QTGAL: variants seen among roughly 807,000 people sequenced by gnomAD.
QTGAL encodes the protein BGnT-like protein 1.
chr17:83,050,510 G>T, the QTGAL span, among the ~76,000 whole-genome samples: 2 of 152,096 alleles, frequency 1.3e-5, no homozygotes, highest in Non-Finnish European at 2.9e-5. Flanking sequence ...ATCAAAGATA[G>T]ACCTTGATTC....
At chr17:82,963,483 T>C in the QTGAL span, among the ~76,000 whole-genome samples, 2 of 152,078 alleles carry the variant, frequency 1.3e-5, no homozygotes, top group African/African-American at 4.8e-5. Context: ...CTTCCATGGA[T>C]AAAAATTCAG....
the QTGAL span, among the ~76,000 whole-genome samples, chr17:83,000,699 T>C: frequency 2.0e-5 from 3 of 152,346 alleles, no homozygotes; most frequent in South Asian, 6.2e-4. Flanking sequence ...CTTTTCCAAA[T>C]TGTTACACAT....
At chr17:82,958,035 G>A in the QTGAL span, among the ~76,000 whole-genome samples, 1 of 151,920 alleles carries the variant, frequency 6.6e-6, no homozygotes, top group African/African-American at 2.4e-5. Flanking sequence ...TCTGCCCAGC[G>A]CCCAGCCCCA....
chr17:83,044,941 G>T, the QTGAL span, among the ~76,000 whole-genome samples: 1 of 128,978 alleles, frequency 7.8e-6, no homozygotes, highest in Non-Finnish European at 1.7e-5. Context: ...GTGAGACTCT[G>T]TCTCAAAAAA....
chr17:82,998,786 G>T, the QTGAL span, among the ~76,000 whole-genome samples: 1 of 152,218 alleles, frequency 6.6e-6, no homozygotes, highest in South Asian at 2.1e-4. Flanking sequence ...TCAACAATAA[G>T]AATGCAAACA....
chr17:83,047,013 G>C, the QTGAL span, among the ~76,000 whole-genome samples: 1 of 152,238 alleles, frequency 6.6e-6, no homozygotes, highest in African/African-American at 2.4e-5. Context: ...GTCCAGAACA[G>C]GCAAATCTAC....
the QTGAL span, among the ~76,000 whole-genome samples, chr17:82,977,725 G>A: frequency 2.0e-5 from 3 of 152,220 alleles, no homozygotes; most frequent in East Asian, 1.9e-4. Context: ...GGCACTGGAC[G>A]CAGGGCAGGA....
At chr17:82,946,030 CTA>C in the QTGAL span, 5 of 152,116 alleles carry the variant, frequency 3.3e-5, no homozygotes, top group African/African-American at 1.2e-4. Flanking sequence ...CATCTTAAGT[CTA>C]TGTTCTCCTG....
chr17:82,952,304 C>T, the QTGAL span, among the ~76,000 whole-genome samples: 1 of 152,122 alleles, frequency 6.6e-6, no homozygotes, highest in African/African-American at 2.4e-5. Flanking sequence ...CTGTGTGTCC[C>T]CCACAACCCC....
chr17:83,049,957 C>T, the QTGAL span, among the ~76,000 whole-genome samples: 1 of 152,118 alleles, frequency 6.6e-6, no homozygotes. Flanking sequence ...TTAGTCTGTC[C>T]TCACCCTTAA....
At chr17:82,949,781 T>A in the QTGAL span, 1 of 152,148 alleles carries the variant, frequency 6.6e-6, no homozygotes, top group Non-Finnish European at 1.5e-5. Flanking sequence ...CGATGGGATA[T>A]TTGGAATTCT....
At chr17:83,031,683 G>A in the QTGAL span, among the ~76,000 whole-genome samples, 1 of 152,248 alleles carries the variant, frequency 6.6e-6, no homozygotes, top group Admixed American at 6.5e-5. Flanking sequence ...ACGGTGTGCA[G>A]GGAGGCTCCA....
the QTGAL span, among the ~76,000 whole-genome samples, chr17:83,037,311 C>T: frequency 2.9e-4 from 44 of 152,330 alleles, no homozygotes; most frequent in South Asian, 7.0e-3. This position sits in a 1 kb window ranked among gnomAD's most constrained non-coding sequence, Gnocchi z 5.2. Flanking sequence ...CCACTGGGAC[C>T]GCACAGCCGC....
At chr17:82,983,848 G>A in the QTGAL span, among the ~76,000 whole-genome samples, 1 of 152,246 alleles carries the variant, frequency 6.6e-6, no homozygotes, top group South Asian at 2.1e-4. Context: ...TTGGAGATGG[G>A]CTTTTAAGGA....
At chr17:83,000,114 C>T in the QTGAL span, among the ~76,000 whole-genome samples, 1 of 152,180 alleles carries the variant, frequency 6.6e-6, no homozygotes, top group African/African-American at 2.4e-5. Context: ...AGGCACCTGT[C>T]ACTGTGCCTG....
chr17:82,944,297 G>C, the QTGAL span: 17 of 152,160 alleles, frequency 1.1e-4, no homozygotes, highest in African/African-American at 3.9e-4. Context: ...ATCCATCACT[G>C]GGGCACTTGT....
the QTGAL span, chr17:82,961,104 G>T: frequency 3.1e-6 from 5 of 1,610,700 alleles, no homozygotes; most frequent in Non-Finnish European, 4.2e-6. Context: ...GATACAGCAG[G>T]AGACTCTGGT....
chr17:82,972,629 G>A, the QTGAL span, among the ~76,000 whole-genome samples: 2 of 128,376 alleles, frequency 1.6e-5, no homozygotes, highest in Non-Finnish European at 3.1e-5. Flanking sequence ...CCATGGGCCA[G>A]AAGGACCTGG....
the QTGAL span, among the ~76,000 whole-genome samples, chr17:82,975,039 C>A: frequency 3.1e-5 from 3 of 98,222 alleles, no homozygotes; most frequent in East Asian, 3.2e-4. Flanking sequence ...TTATGGGGAA[C>A]CAGGGCCCCA....
Sources: gnomAD v4.1 joint callset for allele counts (sites outside exome capture counted in the v4.1 genomes callset) on GRCh38, gnomAD v4.1.1 for gene constraint, Gnocchi (gnomAD v3.1) non-coding constraint, MANE v1.5 for transcripts, NCBI Gene and HGNC (gene_info 2026-07-23, HGNC 2026-07-21) for gene names.